EPS15: variants seen among roughly 807,000 people sequenced by gnomAD.
The protein encoded by EPS15 is epidermal growth factor receptor pathway substrate 15.
A neutral mutation model predicts 113.8 loss-of-function variants in EPS15; 72 were observed. The ratio of observed to expected loss-of-function variants is 0.63; its 90% CI spans 0.52 to 0.77. EPS15 has a LOEUF of 0.77. EPS15 is among the 30% of genes least tolerant of loss of function. EPS15 has a pLI of 0.00. For missense variants in EPS15, 1,048 were observed against 1,045.8 expected (o/e 1.00, Z -0.03); for synonymous variants, 344 against 363.4 (o/e 0.95, Z 0.61).
intron 13 of EPS15, among the ~76,000 whole-genome samples, chr1:51,418,131 G>A (rs745904046): frequency 1.3e-5 from 2 of 152,112 alleles, no homozygotes; most frequent in South Asian, 2.1e-4. Context: ...TTAGACACAC[G>A]GATTTTCAAA....
chr1:51,417,431 T>TC (rs1269814731), intron 13 of EPS15, among the ~76,000 whole-genome samples: 1 of 152,212 alleles, frequency 6.6e-6, no homozygotes, highest in Non-Finnish European at 1.5e-5. Flanking sequence ...TGTGAACAGC[T>TC]TCCTTAAATT....
At chr1:51,501,546 C>T (rs535284134) in intron 1 of EPS15, among the ~76,000 whole-genome samples, 1 of 151,764 alleles carries the variant, frequency 6.6e-6, no homozygotes, top group Non-Finnish European at 1.5e-5. Context: ...GTGGTGCAAT[C>T]TAAGCTCACT....
chr1:51,430,226 G>A (rs1367683720), intron 12 of EPS15, among the ~76,000 whole-genome samples: 7 of 152,092 alleles, frequency 4.6e-5, no homozygotes, highest in South Asian at 4.1e-4. Context: ...GAAAGTCTTC[G>A]TTTTTAATTT....
rs1388509219 is a variant in EPS15 at position 51,466,272 on chromosome 1, T to C, written c.310-946A>G. On this transcript the variant is annotated intron_variant, in intron 5 of 24. Coordinates refer to ENST00000371733, the MANE Select transcript of EPS15 (RefSeq NM_001981.3). The stretch of plus-strand genomic sequence containing the variant: ...GAGACAGGAAGTGAAGGATGGATTA[T>C]TTAATAAACTGTATTGACTATACTT... Among the ~76,000 whole-genome samples the C allele has an allele frequency of 9.2e-5, 14 of 151,874 alleles. No homozygotes were observed. The South Asian group carries it at 2.3e-3, about 25-fold the overall frequency.
intron 21 of EPS15, chr1:51,394,169 A>G (rs1025310142): frequency 1.0e-5 from 4 of 395,682 alleles, no homozygotes; most frequent in Non-Finnish European, 1.9e-5. Flanking sequence ...TTCATATTCT[A>G]GTGTAATATT....
In EPS15 at chr1:51,409,781, G is replaced by A. The variant is rs528039124; in HGVS notation, c.1114-85C>T. ...GTAATTTTAAATCTACCTTAAGAAA[G>A]AATAAAGTCTTACTGAGTATACTGT... On this transcript the variant is annotated intron_variant, in intron 13 of 24. Transcript: ENST00000371733. The A allele has an allele frequency of 2.1e-5, 19 of 900,704 alleles. No homozygotes were observed. The East Asian group carries it at 3.6e-4, about 17-fold the overall frequency. The allele number at this position is 900,704 out of a possible 1,614,324, so 55.8% of individuals were successfully genotyped here.
At chr1:51,443,097 T>C (rs1427546970) in intron 11 of EPS15, among the ~76,000 whole-genome samples, 1 of 152,190 alleles carries the variant, frequency 6.6e-6, no homozygotes, top group Non-Finnish European at 1.5e-5. Context: ...CAATGAATAA[T>C]ACTGGTATCT....
In EPS15 at chr1:51,403,478, T is replaced by A. The variant is rs374032139; in HGVS notation, c.1732A>T (p.Thr578Ser). The change falls in exon 17 of 25, where the codon ACT becomes TCT. Residue 578 changes from threonine to serine, a missense_variant. Transcript: ENST00000371733. Reference protein sequence around the residue: ...PSGVTDENEVTTAVTEKVCSE... With the variant: ...PSGVTDENEVSTAVTEKVCSE... ...CAAACTTTTTCAGTAACAGCTGTAG[T>A]CACCTCATTTTCATCAGTCACACCA... 20 of 1,610,504 alleles carry A rather than the reference T, an allele frequency of 1.2e-5. No homozygotes were observed. The highest frequency in any genetic ancestry group is 6.8e-6 in the Non-Finnish European group (8 of 1,178,410).
intron 12 of EPS15, among the ~76,000 whole-genome samples, chr1:51,432,346 G>GTATA (rs943775536): frequency 1.5e-4 from 21 of 144,066 alleles, no homozygotes; most frequent in Non-Finnish European, 3.0e-4. Flanking sequence ...ATGTATGTAT[G>GTATA]TATATATTTA....
At chr1:51,384,298 C>CTT (rs67265512) in intron 21 of EPS15, among the ~76,000 whole-genome samples, 1,834 of 99,324 alleles carry the variant, frequency 0.018, 108 homozygotes, top group Admixed American at 0.1. Flanking sequence ...TTCTTTCTTT[C>CTT]TTTTTTTTTT....
At chr1:51,489,092 G>A (rs1644180362) in intron 1 of EPS15, among the ~76,000 whole-genome samples, 1 of 149,838 alleles carries the variant, frequency 6.7e-6, no homozygotes, top group Non-Finnish European at 1.5e-5. Flanking sequence ...ATTGTTACTT[G>A]TTACTTGAAA....
chr1:51,361,386 C>G, intron 23 of EPS15, 31 bp from the exon 24 acceptor site: 4 of 1,521,724 alleles, frequency 2.6e-6, no homozygotes, highest in Non-Finnish European at 2.7e-6. Flanking sequence ...TTAATTCAAC[C>G]AGTAAATACA....
chr1:51,390,116 G>C (rs997465673), intron 21 of EPS15, among the ~76,000 whole-genome samples: 2 of 152,064 alleles, frequency 1.3e-5, no homozygotes, highest in African/African-American at 2.4e-5. Flanking sequence ...CCAAAACAGA[G>C]ATATAGATCA....
intron 21 of EPS15, among the ~76,000 whole-genome samples, chr1:51,385,885 G>C (rs1012279247): frequency 4.6e-5 from 7 of 152,074 alleles, no homozygotes; most frequent in African/African-American, 1.7e-4. Context: ...TGAGAGGGAG[G>C]ATAGGGAGTT....
intron 21 of EPS15, among the ~76,000 whole-genome samples, chr1:51,392,667 T>A (rs1173808693): frequency 6.6e-6 from 1 of 152,246 alleles, no homozygotes; most frequent in Non-Finnish European, 1.5e-5. Context: ...TTGTTCTTTT[T>A]GCTCCACATA....
intron 12 of EPS15, among the ~76,000 whole-genome samples, chr1:51,424,591 A>C (rs1216735786): frequency 1.3e-5 from 2 of 152,218 alleles, no homozygotes; most frequent in African/African-American, 2.4e-5. Flanking sequence ...TAAGACAGAT[A>C]TAAGACATTA....
intron 1 of EPS15, among the ~76,000 whole-genome samples, chr1:51,510,758 A>C (rs1222063640): frequency 1.4e-4 from 21 of 152,224 alleles, no homozygotes; most frequent in Admixed American, 1.4e-3. Flanking sequence ...ATTTATGCAC[A>C]AGGAGTCAAT....
At chr1:51,415,795 TCA>T (rs1650156426) in intron 13 of EPS15, among the ~76,000 whole-genome samples, 1 of 22,222 alleles carries the variant, frequency 4.5e-5, no homozygotes, top group East Asian at 1.1e-3. Flanking sequence ...AAACTCCGTC[TCA>T]AAAAAAAAAA....
chr1:51,459,129 T>C (rs769502166), intron 8 of EPS15: 2 of 152,252 alleles, frequency 1.3e-5, no homozygotes, highest in Non-Finnish European at 2.9e-5. Flanking sequence ...CATCTGGCTC[T>C]TGTGGAAAAT....
Sources: allele counts gnomAD v4.1 joint callset (sites outside exome capture counted in the v4.1 genomes callset), GRCh38; gene constraint gnomAD v4.1.1; transcripts MANE v1.5; gene names NCBI Gene and HGNC (gene_info 2026-07-23, HGNC 2026-07-21).